Variants in HCN1 observed in about 807,000 individuals in gnomAD.
The protein encoded by HCN1 is potassium/sodium hyperpolarization-activated cyclic nucleotide-gated channel 1.
Under a neutral mutation model 78.9 loss-of-function variants are expected in HCN1, and 13 were observed. The observed-to-expected ratio is 0.16, with a 90% confidence interval of 0.11 to 0.26. The LOEUF is 0.26. HCN1 is among the 10% of genes least tolerant of loss of function. The pLI, the probability that HCN1 is intolerant of heterozygous loss-of-function variation, is 1.00. For missense variants in HCN1, 810 were observed against 1,154.3 expected (o/e 0.70, Z 4.32); for synonymous variants, 552 against 455.5 (o/e 1.21, Z -2.70).
chr5:45,381,668 A>G (rs766858795), intron 4 of HCN1, among the ~76,000 whole-genome samples: 1 of 151,978 alleles, frequency 6.6e-6, no homozygotes, highest in Non-Finnish European at 1.5e-5. Context: ...TCAATCCAGC[A>G]AGTCCTGCCA....
At chr5:45,515,627 G>C (rs145339675) in intron 2 of HCN1, among the ~76,000 whole-genome samples, 82 of 152,036 alleles carry the variant, frequency 5.4e-4, no homozygotes, top group African/African-American at 1.8e-3. Context: ...CAAATAAATA[G>C]AGTATTCCTG....
At chr5:45,583,691 C>T (rs1175916706) in intron 2 of HCN1, among the ~76,000 whole-genome samples, 1 of 152,064 alleles carries the variant, frequency 6.6e-6, no homozygotes, top group Non-Finnish European at 1.5e-5. Flanking sequence ...CTACACACTG[C>T]TCTGAATGTG....
At chr5:45,337,187 T>G (rs1746478818) in intron 5 of HCN1, among the ~76,000 whole-genome samples, 1 of 152,024 alleles carries the variant, frequency 6.6e-6, no homozygotes. Context: ...GACTAATGCA[T>G]AAACACGGAG....
intron 2 of HCN1, among the ~76,000 whole-genome samples, chr5:45,589,111 T>TA (rs1286835773): frequency 6.6e-6 from 1 of 152,154 alleles, no homozygotes; most frequent in African/African-American, 2.4e-5. Context: ...AGGGTAACCT[T>TA]AAACCAAAAG....
intron 2 of HCN1, among the ~76,000 whole-genome samples, chr5:45,533,237 A>G (rs1742896161): frequency 6.6e-6 from 1 of 152,230 alleles, no homozygotes; most frequent in Admixed American, 6.5e-5. Context: ...AGGACCAATT[A>G]GAAAAGTAAA....
chr5:45,504,027 C>G (rs1441124046), intron 2 of HCN1, among the ~76,000 whole-genome samples: 1 of 152,050 alleles, frequency 6.6e-6, no homozygotes, highest in Admixed American at 6.6e-5. Context: ...CTCATGTGAT[C>G]CACCCACCCA....
chr5:45,663,715 C>G (rs1457987177), intron 1 of HCN1, among the ~76,000 whole-genome samples: 5 of 152,010 alleles, frequency 3.3e-5, no homozygotes, highest in Non-Finnish European at 5.9e-5. Context: ...AAATGCTCAT[C>G]ATCACTGGCC....
intron 3 of HCN1, among the ~76,000 whole-genome samples, chr5:45,439,091 A>G (rs1740620794): frequency 6.6e-6 from 1 of 152,140 alleles, no homozygotes; most frequent in Admixed American, 6.5e-5. Flanking sequence ...GATGATCTGT[A>G]TGCATTCTCA....
intron 2 of HCN1, among the ~76,000 whole-genome samples, chr5:45,526,606 T>G (rs1742741238): frequency 6.6e-6 from 1 of 152,228 alleles, no homozygotes; most frequent in East Asian, 1.9e-4. Flanking sequence ...AACCTTGGGT[T>G]TGGAGAAATC....
Position 45,353,178 on chromosome 5 carries a change from A to G in HCN1, c.1299T>C (p.Asp433=). Residue 433 remains aspartate, a synonymous_variant, in exon 5 of 8, where the codon GAT becomes GAC. Coordinates refer to ENST00000303230, the MANE Select transcript of HCN1 (RefSeq NM_021072.4). ...TGCCTTGGTATCTGTGTTCATAGTAATCATGTATCTTCTGACGCATATCAG... is the reference window on the plus strand; with the variant it reads ...TGCCTTGGTATCTGTGTTCATAGTAGTCATGTATCTTCTGACGCATATCAG... The part of the protein sequence containing the change: ...LPADMRQKIH[D]YYEHRYQGKI... 1 of 1,609,182 alleles carries G rather than the reference A, an allele frequency of 6.2e-7. No individual in the cohort carries two copies. Among genetic ancestry groups the G allele is most frequent in the Admixed American group, 1.7e-5 (1 of 59,902 alleles).
At chr5:45,352,773 A>T (rs1746937460) in intron 5 of HCN1, among the ~76,000 whole-genome samples, 1 of 152,000 alleles carries the variant, frequency 6.6e-6, no homozygotes, top group Non-Finnish European at 1.5e-5. Context: ...TGGGAGGAAG[A>T]ATAGGAATCA....
At chr5:45,288,647 T>G (rs973027234) in intron 6 of HCN1, among the ~76,000 whole-genome samples, 3 of 151,992 alleles carry the variant, frequency 2.0e-5, no homozygotes, top group Non-Finnish European at 2.9e-5. Context: ...AATATATAAT[T>G]TAGTAAATTA....
At chr5:45,495,078 T>C (rs1451183594) in intron 2 of HCN1, among the ~76,000 whole-genome samples, 1 of 144,852 alleles carries the variant, frequency 6.9e-6, no homozygotes, top group Admixed American at 7.1e-5. Flanking sequence ...GACTTGGCGA[T>C]GAGGGCTCTT....
chr5:45,341,587 A>T (rs972145910), intron 5 of HCN1, among the ~76,000 whole-genome samples: 1 of 152,196 alleles, frequency 6.6e-6, no homozygotes, highest in African/African-American at 2.4e-5. Flanking sequence ...GAAGTGGTCC[A>T]GTCAAAGCAA....
intron 3 of HCN1, among the ~76,000 whole-genome samples, chr5:45,460,014 T>C (rs1741113939): frequency 6.6e-6 from 1 of 152,150 alleles, no homozygotes; most frequent in Admixed American, 6.6e-5. Flanking sequence ...CTTTGTTCTT[T>C]AGTTATCGAA....
At chr5:45,640,577 CTT>C (rs1319334376) in intron 2 of HCN1, among the ~76,000 whole-genome samples, 97 of 138,406 alleles carry the variant, frequency 7.0e-4, no homozygotes, top group Non-Finnish European at 6.8e-4. Flanking sequence ...AAGTCTGATT[CTT>C]TTTTTTTTTT....
At chr5:45,575,938 T>C (rs1304151183) in intron 2 of HCN1, 2 of 152,194 alleles carry the variant, frequency 1.3e-5, no homozygotes, top group African/African-American at 4.8e-5. Context: ...CCATAGATGG[T>C]GATTCCTCTG....
Position 45,695,958 on chromosome 5 carries a change from C to G in HCN1, c.136G>C (p.Gly46Arg), listed in dbSNP as rs1031913850. ...CCGTGCTCCTTCGCGCCGGCCCCGCCGCCCCCCGGCGGGGTGCCCAGGCGC... is the reference window on the plus strand; with the variant it reads ...CCGTGCTCCTTCGCGCCGGCCCCGCGGCCCCCCGGCGGGGTGCCCAGGCGC... Reference protein sequence around the residue: ...EKRLGTPPGGGGAGAKEHGNS... With the variant: ...EKRLGTPPGGRGAGAKEHGNS... Residue 46 changes from glycine (G) to arginine (R), a missense_variant, in exon 1 of 8, where the codon GGC becomes CGC. Coordinates refer to ENST00000303230, the MANE Select transcript of HCN1 (RefSeq NM_021072.4). 7.5e-7 allele frequency: 1 copy of G among 1,329,800 alleles called. No individual in the cohort carries two copies. The highest frequency in any genetic ancestry group is 9.5e-7 in the Non-Finnish European group (1 of 1,048,716). 82.4% of individuals were successfully genotyped at this position (1,329,800 alleles called of 1,614,324 possible). A position where few individuals can be genotyped will look rare whatever the true frequency, so the allele number is the denominator to read the frequency against.
intron 2 of HCN1, among the ~76,000 whole-genome samples, chr5:45,630,604 C>CAG (rs1745254537): frequency 6.6e-6 from 1 of 152,190 alleles, no homozygotes; most frequent in African/African-American, 2.4e-5. Flanking sequence ...TTTCAAACCT[C>CAG]ATCTCTGTAT....
Sources: allele counts gnomAD v4.1 joint callset (sites outside exome capture counted in the v4.1 genomes callset), GRCh38; gene constraint gnomAD v4.1.1; transcripts MANE v1.5; gene names NCBI Gene and HGNC (gene_info 2026-07-23, HGNC 2026-07-21).